HECW2: variants seen among roughly 807,000 people sequenced by gnomAD.
The protein encoded by HECW2 is E3 ubiquitin-protein ligase HECW2.
Under a neutral mutation model 175.2 loss-of-function variants are expected in HECW2, and 61 were observed. The observed-to-expected ratio is 0.35, with a 90% CI of 0.28 to 0.43. The LOEUF (loss-of-function observed/expected upper bound fraction) is 0.43. Ranked by LOEUF, HECW2 falls within the 20% of genes least tolerant of loss-of-function variation. The pLI is 1.00. For synonymous variants in HECW2, 671 were observed against 731.0 expected (o/e 0.92, Z 1.32); for missense variants, 1,524 against 2,000.5 (o/e 0.76, Z 4.54).
chr2:196,571,792 A>C (rs1188379915), intron 1 of HECW2, among the ~76,000 whole-genome samples: 1 of 152,222 alleles, frequency 6.6e-6, no homozygotes, highest in African/African-American at 2.4e-5. Flanking sequence ...CATACACCCA[A>C]AAGAATTGAA....
chr2:196,400,941 T>G (rs535603956), intron 2 of HECW2, among the ~76,000 whole-genome samples: 1 of 152,222 alleles, frequency 6.6e-6, no homozygotes, highest in Non-Finnish European at 1.5e-5. Flanking sequence ...CTGTGATATA[T>G]GCCCTAATCA....
intron 1 of HECW2, among the ~76,000 whole-genome samples, chr2:196,447,365 G>A (rs939267040): frequency 2.1e-4 from 32 of 152,170 alleles, no homozygotes; most frequent in African/African-American, 6.0e-4. Context: ...CCCATACAAT[G>A]AGAGAGTCAA....
In HECW2 at chr2:196,360,097, C is replaced by T. The variant is rs981491000; in HGVS notation, c.293-16333G>A. Among the ~76,000 whole-genome samples the T allele has an allele frequency of 9.9e-5, 15 of 152,124 alleles. No individual in the cohort carries two copies. The Middle Eastern group carries it at 0.014, about 138-fold the overall frequency. On this transcript the variant is annotated intron_variant, in intron 2 of 28. Transcript: ENST00000644978. ...TCCAGCCTAGGCAACAGAGAGAGAC[C>T]CTGTCTCTAAAAAAAAATTACACAA...
chr2:196,203,852 T>C (rs1405369125), intron 28 of HECW2, among the ~76,000 whole-genome samples: 1 of 152,178 alleles, frequency 6.6e-6, no homozygotes, highest in East Asian at 1.9e-4. Flanking sequence ...TCTGTATCCA[T>C]TAAATAGTAA....
intron 1 of HECW2, among the ~76,000 whole-genome samples, chr2:196,566,019 A>T (rs1415793350): frequency 1.3e-5 from 2 of 152,178 alleles, no homozygotes; most frequent in African/African-American, 4.8e-5. Context: ...ACAACTTTTT[A>T]AATTACATAG....
Position 196,424,685 on chromosome 2 carries a change from A to G in HECW2, c.292+8447T>C, listed in dbSNP as rs184038829. On this transcript the variant is annotated intron_variant, in intron 2 of 28. Transcript: ENST00000644978. ...CAAGACCCTAACCCTATTCAATTCT[A>G]TGAAGGCTGAGAGAGGTAAGGAAGC... Among the ~76,000 whole-genome samples the G allele has an allele frequency of 1.7e-4, 26 of 152,286 alleles. No individual in the cohort carries two copies. The East Asian group carries it at 4.0e-3, about 24-fold the overall frequency.
At chr2:196,202,204 C>A (rs898518590) in intron 28 of HECW2, among the ~76,000 whole-genome samples, 11 of 151,870 alleles carry the variant, frequency 7.2e-5, no homozygotes, top group African/African-American at 2.7e-4. Flanking sequence ...GTTTGGGGGA[C>A]CTACATAACT....
At chr2:196,491,891 T>C (rs901565568) in intron 1 of HECW2, among the ~76,000 whole-genome samples, 4 of 152,148 alleles carry the variant, frequency 2.6e-5, no homozygotes, top group Non-Finnish European at 2.9e-5. Flanking sequence ...GAGATAAAGA[T>C]AACAATTACA....
chr2:196,527,444 C>T (rs1330127232), intron 1 of HECW2, among the ~76,000 whole-genome samples: 2 of 152,220 alleles, frequency 1.3e-5, no homozygotes. Flanking sequence ...TCTTCTGCGT[C>T]GCTCACGCTG....
intron 1 of HECW2, among the ~76,000 whole-genome samples, chr2:196,456,124 G>A (rs565969914): frequency 2.6e-5 from 4 of 152,102 alleles, no homozygotes; most frequent in Admixed American, 2.0e-4. Flanking sequence ...AAATTGCTAA[G>A]CCCCAAAATG....
chr2:196,552,842 G>A (rs576437977), intron 1 of HECW2, among the ~76,000 whole-genome samples: 48 of 152,282 alleles, frequency 3.2e-4, no homozygotes, highest in African/African-American at 1.1e-3. Flanking sequence ...TCAGGGAAAG[G>A]AACTTCCAGA....
intron 2 of HECW2, among the ~76,000 whole-genome samples, chr2:196,369,342 G>GTCTGTCTC (rs1693841878): frequency 7.6e-6 from 1 of 131,452 alleles, no homozygotes; most frequent in South Asian, 2.7e-4. Flanking sequence ...AACAAATGGA[G>GTCTGTCTC]TCTCTCTCTC....
chr2:196,221,302 A>G (rs112784172), intron 24 of HECW2, among the ~76,000 whole-genome samples: 1 of 150,744 alleles, frequency 6.6e-6, no homozygotes, highest in African/African-American at 2.5e-5. Flanking sequence ...GTAAAGATTT[A>G]CTTTAAAGCA....
At chr2:196,490,469 A>T (rs1307465982) in intron 1 of HECW2, among the ~76,000 whole-genome samples, 1 of 152,238 alleles carries the variant, frequency 6.6e-6, no homozygotes, top group African/African-American at 2.4e-5. Flanking sequence ...TTATTCCAAC[A>T]AGAAGAACCC....
At chr2:196,511,618 A>G (rs900975344) in intron 1 of HECW2, among the ~76,000 whole-genome samples, 2 of 152,244 alleles carry the variant, frequency 1.3e-5, no homozygotes, top group African/African-American at 4.8e-5. Flanking sequence ...ATTACAAATT[A>G]TGACAGATGT....
intron 2 of HECW2, among the ~76,000 whole-genome samples, chr2:196,417,550 T>C (rs1453603421): frequency 6.6e-6 from 1 of 152,184 alleles, no homozygotes; most frequent in East Asian, 1.9e-4. Context: ...GAGTAACTGG[T>C]ACTACTGGCA....
At chr2:196,532,839 AGAG>A (rs1457118816) in intron 1 of HECW2, among the ~76,000 whole-genome samples, 3 of 152,150 alleles carry the variant, frequency 2.0e-5, no homozygotes, top group African/African-American at 7.2e-5. Flanking sequence ...GGTGGGGAAA[AGAG>A]GAGAAGGAGG....
chr2:196,550,866 C>T (rs1689584608), intron 1 of HECW2, among the ~76,000 whole-genome samples: 1 of 152,118 alleles, frequency 6.6e-6, no homozygotes, highest in South Asian at 2.1e-4. Flanking sequence ...TTATCTTCTG[C>T]CTAAGCAGTT....
At chr2:196,312,347 A>G (rs1691528998) in intron 10 of HECW2, among the ~76,000 whole-genome samples, 1 of 152,246 alleles carries the variant, frequency 6.6e-6, no homozygotes, top group South Asian at 2.1e-4. Flanking sequence ...CCACTATAAA[A>G]AACTATAATA....
Sources: gnomAD v4.1 joint callset for allele counts (sites outside exome capture counted in the v4.1 genomes callset) on GRCh38, gnomAD v4.1.1 for gene constraint, MANE v1.5 for transcripts, NCBI Gene and HGNC (gene_info 2026-07-23, HGNC 2026-07-21) for gene names.